Variants in STX18 observed in about 807,000 individuals in gnomAD.
STX18 encodes syntaxin 18, also known as syntaxin-18.
Under a neutral mutation model 50.1 loss-of-function variants are expected in STX18, and 40 were observed. That is an observed-to-expected ratio of 0.80 (90% CI 0.62 to 1.04). The LOEUF is 1.04. Among genes scored for constraint, STX18 ranks in the 50% least tolerant of loss-of-function variants. The probability of loss-of-function intolerance (pLI) is 0.00; values close to 1 mark genes in which losing one functional copy is unlikely to be tolerated. For missense variants in STX18, 410 were observed against 415.8 expected (o/e 0.99, Z 0.12); for synonymous variants, 158 against 151.8 (o/e 1.04, Z -0.30).
At chr4:4,512,673 T>C (rs184179095) in intron 1 of STX18, among the ~76,000 whole-genome samples, 8 of 152,314 alleles carry the variant, frequency 5.3e-5, no homozygotes, top group Admixed American at 3.9e-4. Flanking sequence ...GTGAGTTAGG[T>C]ACTCTGGGAA....
chr4:4,502,099 C>T (rs763579828), intron 1 of STX18, among the ~76,000 whole-genome samples: 1 of 152,202 alleles, frequency 6.6e-6, no homozygotes, highest in African/African-American at 2.4e-5. Flanking sequence ...AGAACATACT[C>T]ATTTGATGTA....
chr4:4,449,755 T>C (rs535031033), intron 5 of STX18, among the ~76,000 whole-genome samples: 4 of 152,382 alleles, frequency 2.6e-5, no homozygotes, highest in Admixed American at 1.3e-4. Context: ...TTTGACACTA[T>C]GTATCAATTT....
chr4:4,456,269 A>C (rs184713608), intron 5 of STX18, among the ~76,000 whole-genome samples: 17 of 152,106 alleles, frequency 1.1e-4, no homozygotes, highest in Admixed American at 2.6e-4. Context: ...AAAACAAAAA[A>C]AACAAAAAAA....
intron 5 of STX18, among the ~76,000 whole-genome samples, chr4:4,443,259 G>A (rs545322732): frequency 1.3e-5 from 2 of 152,346 alleles, no homozygotes; most frequent in East Asian, 3.9e-4. Context: ...CAAAGGCCTA[G>A]GAAAAAATCC....
chr4:4,433,121 T>C (rs1006508916), intron 7 of STX18, among the ~76,000 whole-genome samples: 1 of 152,228 alleles, frequency 6.6e-6, no homozygotes, highest in African/African-American at 2.4e-5. Flanking sequence ...GGTAGGGCTT[T>C]AGTTTTTGTG....
At chr4:4,444,918 G>C (rs1174499981) in intron 5 of STX18, among the ~76,000 whole-genome samples, 1 of 152,106 alleles carries the variant, frequency 6.6e-6, no homozygotes, top group East Asian at 1.9e-4. Context: ...TTAAATCCTT[G>C]TCCCTTAATC....
intron 1 of STX18, among the ~76,000 whole-genome samples, chr4:4,486,610 G>A (rs1728710933): frequency 6.6e-6 from 1 of 152,194 alleles, no homozygotes; most frequent in African/African-American, 2.4e-5. Flanking sequence ...TTACAGAGAA[G>A]AGAGGCCAAG....
chr4:4,513,021 T>C (rs983480207), intron 1 of STX18, among the ~76,000 whole-genome samples: 3 of 152,092 alleles, frequency 2.0e-5, no homozygotes, highest in Non-Finnish European at 4.4e-5. Context: ...AATCCAGGAA[T>C]ATAATAATAA....
intron 1 of STX18, among the ~76,000 whole-genome samples, chr4:4,476,603 T>G (rs1028835543): frequency 1.3e-5 from 2 of 152,240 alleles, no homozygotes; most frequent in African/African-American, 4.8e-5. Flanking sequence ...CTACTTAATA[T>G]TTAGTGATAT....
Position 4,420,664 on chromosome 4 carries a change from CCT to C in STX18, c.912+198_912+199del. The C allele has an allele frequency of 1.7e-6, 1 of 576,876 alleles. No homozygotes were observed. The allele number at this position is 576,876 out of a possible 1,614,324, so 35.7% of individuals were successfully genotyped here. A position where few individuals can be genotyped will look rare whatever the true frequency, so the allele number is the denominator to read the frequency against. The stretch of plus-strand genomic sequence containing the variant: ...TCCTTTGGAGGCTGGTGAGCCACTG[CCT>C]CTCGAAAGCAGCTGGAGGTGGGCGA... On this transcript the variant is annotated intron_variant, in intron 10 of 10. Transcript: ENST00000306200. This position sits in a 1 kb window ranked among gnomAD's most constrained non-coding sequence, Gnocchi z 4.3.
intron 3 of STX18, among the ~76,000 whole-genome samples, chr4:4,459,156 T>C (rs750382652): frequency 6.6e-6 from 1 of 152,114 alleles, no homozygotes; most frequent in Non-Finnish European, 1.5e-5. Context: ...GTCCTTTCCA[T>C]CTCCCTCCTC....
chr4:4,518,810 C>T (rs1274964146), intron 1 of STX18, among the ~76,000 whole-genome samples: 1 of 152,196 alleles, frequency 6.6e-6, no homozygotes, highest in African/African-American at 2.4e-5. Flanking sequence ...TTTACTTATA[C>T]ACACGTGCAC....
chr4:4,484,090 C>T (rs1249602805), intron 1 of STX18, among the ~76,000 whole-genome samples: 2 of 152,144 alleles, frequency 1.3e-5, no homozygotes, highest in African/African-American at 4.8e-5. Context: ...TCTTGATCTC[C>T]TGACCTCGTG....
At chr4:4,421,044 C>T (rs1168839798) in intron 9 of STX18, 100 bp from the exon 10 acceptor site, 1 of 1,226,402 alleles carries the variant, frequency 8.2e-7, no homozygotes, top group Non-Finnish European at 1.2e-6. Context: ...CATGTCAGCG[C>T]TCAGAAAGTT....
At chr4:4,451,315 A>C (rs1726740612) in intron 5 of STX18, among the ~76,000 whole-genome samples, 1 of 152,224 alleles carries the variant, frequency 6.6e-6, no homozygotes, top group Admixed American at 6.5e-5. Flanking sequence ...AAACAAGAAA[A>C]TATGTGGGAA....
At chr4:4,494,418 C>T (rs139223743) in intron 1 of STX18, among the ~76,000 whole-genome samples, 1 of 152,204 alleles carries the variant, frequency 6.6e-6, no homozygotes, top group African/African-American at 2.4e-5. Context: ...TTTTTCATAT[C>T]CAAGTCTCGG....
chr4:4,468,501 T>TTCC (rs1727738602), intron 2 of STX18, among the ~76,000 whole-genome samples: 1 of 152,086 alleles, frequency 6.6e-6, no homozygotes, highest in Non-Finnish European at 1.5e-5. Context: ...CGCTCCTGCC[T>TTCC]TCCCACTGCT....
rs143320111 is a variant in STX18 at position 4,419,121 on chromosome 4, C to T, written c.*913G>A. 2 of 152,380 alleles carry T rather than the reference C, an allele frequency of 1.3e-5. No individual in the cohort carries two copies. The highest frequency in any genetic ancestry group is 2.9e-5 in the Non-Finnish European group (2 of 68,052). The allele number at this position is 152,380 out of a possible 1,614,324, so 9.4% of individuals were successfully genotyped here. A position where few individuals can be genotyped will look rare whatever the true frequency, so the allele number is the denominator to read the frequency against. ...TTTCACCAGGCGCAGTGCAGACTGTCTCATGCCCATGTGGGCGCTGGGATG... is the reference window on the plus strand; with the variant it reads ...TTTCACCAGGCGCAGTGCAGACTGTTTCATGCCCATGTGGGCGCTGGGATG... On this transcript the variant is annotated 3_prime_UTR_variant, in exon 11 of 11. Transcript: ENST00000306200.
At chr4:4,507,465 T>C (rs1729768565) in intron 1 of STX18, 2 of 761,756 alleles carry the variant, frequency 2.6e-6, no homozygotes, top group Non-Finnish European at 4.9e-6. Context: ...AAAAGTTCAG[T>C]GGAAAGCATA....
Sources: gnomAD v4.1 joint callset for allele counts (sites outside exome capture counted in the v4.1 genomes callset) on GRCh38, gnomAD v4.1.1 for gene constraint, Gnocchi (gnomAD v3.1) non-coding constraint, MANE v1.5 for transcripts, NCBI Gene and HGNC (gene_info 2026-07-23, HGNC 2026-07-21) for gene names.